AOPEP: variants seen among roughly 807,000 people sequenced by gnomAD.
The protein encoded by AOPEP is aminopeptidase O (putative).
Under a neutral mutation model 98.1 loss-of-function variants are expected in AOPEP, and 77 were observed. The ratio of observed to expected loss-of-function variants is 0.78; its 90% confidence interval spans 0.65 to 0.95. The LOEUF (loss-of-function observed/expected upper bound fraction) is 0.95, where lower values mean the gene tolerates loss of function less well. Ranked by LOEUF, AOPEP falls within the 40% of genes least tolerant of loss-of-function variation. AOPEP has a pLI of 0.00. For synonymous variants in AOPEP, 346 were observed against 365.3 expected, an observed-to-expected ratio of 0.95 and a Z score of 0.60; for missense variants, 1,024 against 1,024.7, an observed-to-expected ratio of 1.00 and a Z score of 0.01.
At chr9:94,880,376 T>C (rs1410626421) in intron 5 of AOPEP, among the ~76,000 whole-genome samples, 1 of 151,194 alleles carries the variant, frequency 6.6e-6, no homozygotes, top group Non-Finnish European at 1.5e-5. Flanking sequence ...TCTTTTCTTT[T>C]TTTTTTTTTA....
At chr9:94,821,603 T>A (rs1339259185) in intron 5 of AOPEP, among the ~76,000 whole-genome samples, 2 of 152,134 alleles carry the variant, frequency 1.3e-5, no homozygotes, top group Non-Finnish European at 2.9e-5. Context: ...AAGAGTGAGT[T>A]GAGCTGGAGC....
intron 11 of AOPEP, among the ~76,000 whole-genome samples, chr9:94,994,233 ATGC>A (rs2061079023): frequency 6.6e-6 from 1 of 152,212 alleles, no homozygotes; most frequent in Non-Finnish European, 1.5e-5. Flanking sequence ...TTTTGCATAA[ATGC>A]CTCTAGTCAA....
At chr9:95,118,270 C>G in the AOPEP span, among the ~76,000 whole-genome samples, 2 of 152,306 alleles carry the variant, frequency 1.3e-5, no homozygotes, top group Admixed American at 6.5e-5. Flanking sequence ...CCACCTGCCT[C>G]GGCCTCCCAA....
intron 5 of AOPEP, among the ~76,000 whole-genome samples, chr9:94,865,697 A>T (rs1311219199): frequency 6.6e-6 from 1 of 152,218 alleles, no homozygotes; most frequent in Non-Finnish European, 1.5e-5. Context: ...CTGTAATGCA[A>T]GAAACCATTC....
intron 5 of AOPEP, among the ~76,000 whole-genome samples, chr9:94,832,861 C>G (rs1530332): frequency 0.86 from 128,564 of 149,610 alleles, 55,386 homozygotes; most frequent in Non-Finnish European, 0.89. Flanking sequence ...TAGAAGAAAG[C>G]GGGGGAAAAG....
intron 13 of AOPEP, among the ~76,000 whole-genome samples, chr9:95,030,969 C>T (rs2064248646): frequency 6.6e-6 from 1 of 152,226 alleles, no homozygotes; most frequent in African/African-American, 2.4e-5. Context: ...GTAGCATAAT[C>T]AAATCCTGAA....
intron 5 of AOPEP, among the ~76,000 whole-genome samples, chr9:94,850,034 C>A (rs1449383799): frequency 3.0e-4 from 34 of 113,180 alleles, no homozygotes; most frequent in African/African-American, 6.2e-4. Context: ...GATTCCATCT[C>A]AAAAAAAAAA....
intron 1 of AOPEP, among the ~76,000 whole-genome samples, chr9:94,754,607 CT>C (rs1216650181): frequency 6.6e-6 from 1 of 152,156 alleles, no homozygotes; most frequent in Admixed American, 6.5e-5. Flanking sequence ...GTATAAGTAA[CT>C]AGACATTGAA....
intron 3 of AOPEP, among the ~76,000 whole-genome samples, chr9:94,773,597 A>T (rs1376692215): frequency 1.3e-5 from 2 of 152,216 alleles, no homozygotes; most frequent in South Asian, 4.1e-4. Context: ...AGTTGTCTTA[A>T]TGAAGCATCT....
rs75118183 is a variant in AOPEP at position 94,754,393 on chromosome 9, A to G, written c.-135-5256A>G. On this transcript the variant is annotated intron_variant, in intron 1 of 16. Transcript: ENST00000375315. ...CGGTGGAATTAAATAGTAACTACTC[A>G]ACAGTGTGCTCTATGCTATAGAATG... 3.1e-4 allele frequency among the ~76,000 whole-genome samples: 47 copies of G among 152,324 alleles called. No homozygotes were observed. In the East Asian group the frequency reaches 8.5e-3, roughly 28 times the overall value.
At chr9:94,922,427 G>A (rs938807477) in intron 5 of AOPEP, among the ~76,000 whole-genome samples, 2 of 152,198 alleles carry the variant, frequency 1.3e-5, no homozygotes, top group African/African-American at 4.8e-5. Flanking sequence ...CTTCTGTCTT[G>A]TTTTAGCCCA....
intron 5 of AOPEP, among the ~76,000 whole-genome samples, chr9:94,872,341 C>T (rs1447279832): frequency 2.6e-5 from 4 of 152,088 alleles, no homozygotes; most frequent in African/African-American, 7.2e-5. Context: ...TTTACAGAGG[C>T]GGAAACAGGC....
intron 5 of AOPEP, among the ~76,000 whole-genome samples, chr9:94,898,816 G>A (rs1043540348): frequency 3.3e-5 from 5 of 149,474 alleles, no homozygotes; most frequent in African/African-American, 9.9e-5. Flanking sequence ...GGTGGCAGGC[G>A]CTTGTAGTCC....
At chr9:94,952,172 C>A (rs1010840731) in intron 7 of AOPEP, among the ~76,000 whole-genome samples, 1 of 152,242 alleles carries the variant, frequency 6.6e-6, no homozygotes, top group Non-Finnish European at 1.5e-5. Context: ...TCATCCTAGT[C>A]GTGTGCCAGT....
intron 5 of AOPEP, among the ~76,000 whole-genome samples, chr9:94,908,827 T>C (rs16911817): frequency 0.033 from 4,971 of 152,320 alleles, 209 homozygotes; most frequent in African/African-American, 0.096. Context: ...GTTGGTGCTT[T>C]CAAATGTCAG....
chr9:94,921,843 G>A (rs1012209402), intron 5 of AOPEP, among the ~76,000 whole-genome samples: 3 of 152,128 alleles, frequency 2.0e-5, no homozygotes, highest in Admixed American at 6.5e-5. Context: ...ATGGTTAAAC[G>A]CCCTTCCTTC....
At chr9:94,850,011 C>T (rs550461932) in intron 5 of AOPEP, among the ~76,000 whole-genome samples, 7 of 144,522 alleles carry the variant, frequency 4.8e-5, no homozygotes, top group African/African-American at 1.0e-4. Context: ...CTCCAGCCTG[C>T]GCGACAGAGT....
At chr9:94,809,321 A>G (rs1183740615) in intron 5 of AOPEP, among the ~76,000 whole-genome samples, 2 of 152,232 alleles carry the variant, frequency 1.3e-5, no homozygotes, top group Non-Finnish European at 2.9e-5. Context: ...ATCCTGGTAT[A>G]TCTGTGCATC....
At chr9:95,127,258 C>A in the AOPEP span, 1 of 152,594 alleles carries the variant, frequency 6.6e-6, no homozygotes, top group African/African-American at 2.4e-5. Context: ...CTGGCCCAGT[C>A]CCTGGTTCCC....
Sources: allele counts gnomAD v4.1 joint callset (sites outside exome capture counted in the v4.1 genomes callset), GRCh38; gene constraint gnomAD v4.1.1; transcripts MANE v1.5; gene names NCBI Gene and HGNC (gene_info 2026-07-23, HGNC 2026-07-21).